The following GALNT9 variants were observed in gnomAD, a reference collection of about 807,000 sequenced individuals.
GALNT9 encodes polypeptide N-acetylgalactosaminyltransferase 9.
A neutral mutation model predicts 63.1 loss-of-function variants in GALNT9; 47 were observed. The observed-to-expected ratio is 0.75, with a 90% CI of 0.59 to 0.95. GALNT9 has a LOEUF of 0.95. GALNT9 is among the 40% of genes least tolerant of loss of function. The pLI is 0.00. For synonymous variants in GALNT9, 396 were observed against 365.7 expected (o/e 1.08, Z -0.94); for missense variants, 829 against 874.8 (o/e 0.95, Z 0.66).
At chr12:132,261,359 C>G (rs28637973) in intron 3 of GALNT9, among the ~76,000 whole-genome samples, 2 of 149,838 alleles carry the variant, frequency 1.3e-5, no homozygotes, top group East Asian at 4.6e-4. Context: ...ACCAGACAGA[C>G]AGACAGACAG....
intron 2 of GALNT9, among the ~76,000 whole-genome samples, chr12:132,281,784 C>G (rs975305011): frequency 2.0e-5 from 3 of 151,694 alleles, no homozygotes; most frequent in Non-Finnish European, 2.9e-5. Context: ...GTGCAGCAAG[C>G]CCAGGCCTGG....
At chr12:132,263,577 C>T (rs950907538) in intron 2 of GALNT9, among the ~76,000 whole-genome samples, 5 of 152,176 alleles carry the variant, frequency 3.3e-5, no homozygotes, top group Non-Finnish European at 5.9e-5. Context: ...CCCTCACCGT[C>T]CTCAAGCGCA....
intron 8 of GALNT9, 39 bp from the exon 9 acceptor site, chr12:132,199,308 C>G: frequency 1.4e-6 from 2 of 1,473,774 alleles, no homozygotes; most frequent in Non-Finnish European, 1.9e-6. Context: ...CAGAGTCACC[C>G]GAGGGTGCGG....
chr12:132,233,383 C>T (rs1461845346), intron 6 of GALNT9, among the ~76,000 whole-genome samples: 22 of 26,226 alleles, frequency 8.4e-4, no homozygotes, highest in Non-Finnish European at 8.9e-4. Context: ...CTCGATGGGG[C>T]GACAGAGGAG....
At chr12:132,303,481 GCACA>G (rs1881404550) in intron 1 of GALNT9, among the ~76,000 whole-genome samples, 1 of 47,920 alleles carries the variant, frequency 2.1e-5, no homozygotes, top group African/African-American at 1.1e-4. Flanking sequence ...CCTCACCCGG[GCACA>G]GAATCGCCCA....
intron 1 of GALNT9, among the ~76,000 whole-genome samples, chr12:132,323,605 T>G (rs782593365): frequency 4.6e-5 from 7 of 152,152 alleles, no homozygotes; most frequent in Admixed American, 6.5e-5. Flanking sequence ...AACCAAAATG[T>G]CGTTCATCTC....
intron 5 of GALNT9, among the ~76,000 whole-genome samples, chr12:132,248,527 A>T (rs1444367800): frequency 6.6e-6 from 1 of 152,134 alleles, no homozygotes; most frequent in East Asian, 1.9e-4. Flanking sequence ...GTTGCCTTGA[A>T]CATCATTTCC....
rs1298946077 is a variant in GALNT9, at chr12:132,199,258, G to T, written c.1413C>A (p.Ser471Arg). ...NTLTYGEVRN[S>R]KASAYCLDQG... ...GGTCCAGACAGTAGGCACTGGCTTT[G>T]CTGTTTCTCACCTGCAAGCAGAAGC... Residue 471 changes from serine (S) to arginine (R), a missense_variant, in exon 9 of 11, where the codon AGC becomes AGA. Coordinates refer to ENST00000328957, the MANE Select transcript of GALNT9 (RefSeq NM_001122636.2). 1 of 1,603,304 alleles carries T rather than the reference G, an allele frequency of 6.2e-7. No individual in the cohort carries two copies. The highest frequency in any genetic ancestry group is 2.2e-5 in the East Asian group (1 of 44,790).
At chr12:132,204,628 C>T (rs528931304) in intron 6 of GALNT9, among the ~76,000 whole-genome samples, 17 of 152,266 alleles carry the variant, frequency 1.1e-4, no homozygotes, top group Middle Eastern at 3.4e-3. Context: ...CCCCCGTAAC[C>T]GGGTGAGTCA....
At position 132,282,393 on chromosome 12, in the gene GALNT9, A is replaced by ACGTGTGTGCG. The variant is rs370830110; in HGVS notation, c.419+3847_419+3856dup. 2.6e-5 allele frequency among the ~76,000 whole-genome samples: 4 copies of ACGTGTGTGCG among 151,120 alleles called. No homozygotes were observed. The highest frequency in any genetic ancestry group is 4.4e-5 in the Non-Finnish European group (3 of 67,968). On this transcript the variant is annotated intron_variant, in intron 2 of 10. Transcript: ENST00000328957. This position sits in a 1 kb window ranked among gnomAD's most constrained non-coding sequence, Gnocchi z 4.5. ...TGTGCTTAAAGAAAAAACTAAAAAT[A>ACGTGTGTGCG]CGTGTGTGCGCGTGTGTGCGTGTGT...
intron 1 of GALNT9, among the ~76,000 whole-genome samples, chr12:132,323,730 G>A (rs1375928538): frequency 6.6e-6 from 1 of 152,370 alleles, no homozygotes; most frequent in African/African-American, 2.4e-5. Context: ...GAGTCAGAGT[G>A]GGGGCTCTGG....
Position 132,277,404 on chromosome 12 carries a change from C to T in GALNT9, c.419+8846G>A, listed in dbSNP as rs948601187. The T allele has an allele frequency of 1.9e-4, 30 of 154,948 alleles. No homozygotes were observed. In the Middle Eastern group the frequency reaches 3.6e-3, roughly 19 times the overall value. The allele number at this position is 154,948 out of a possible 1,614,324, so 9.6% of individuals were successfully genotyped here. The stretch of plus-strand genomic sequence containing the variant: ...AGCCATTCCTCGCCCATGTCCCTGT[C>T]CTTGTTGCATAGCCGGCCTCCAGCG... On this transcript the variant is annotated intron_variant, in intron 2 of 10. Transcript: ENST00000328957.
intron 1 of GALNT9, among the ~76,000 whole-genome samples, chr12:132,297,441 C>T (rs782494361): frequency 6.6e-6 from 1 of 151,516 alleles, no homozygotes; most frequent in South Asian, 2.1e-4. Context: ...AATAAAGCCG[C>T]TCCCGAGATA....
intron 2 of GALNT9, chr12:132,272,893 T>G (rs1879919912): frequency 6.6e-6 from 1 of 152,272 alleles, no homozygotes; most frequent in Non-Finnish European, 1.5e-5. Context: ...GCGCCACGCC[T>G]TCCCATCCCC....
Position 132,316,148 on chromosome 12 carries a change from C to T in GALNT9, c.238+12818G>A, listed in dbSNP as rs1868499514. 6.6e-6 allele frequency among the ~76,000 whole-genome samples: 1 copy of T among 152,100 alleles called. No homozygotes were observed. Among genetic ancestry groups the T allele is most frequent in the Non-Finnish European group, 1.5e-5 (1 of 68,008 alleles). On this transcript the variant is annotated intron_variant, in intron 1 of 10. Coordinates refer to ENST00000328957, the MANE Select transcript of GALNT9 (RefSeq NM_001122636.2). This position sits in a 1 kb window ranked among gnomAD's most constrained non-coding sequence, Gnocchi z 4.3. ...GGCAGAGGCAGGAGCTGGCCGCGGG[C>T]TGGGAGGCGACCCCACAGACCCCAG...
chr12:132,263,964 G>A (rs1879503088), intron 2 of GALNT9, among the ~76,000 whole-genome samples: 2 of 152,200 alleles, frequency 1.3e-5, no homozygotes, highest in South Asian at 4.1e-4. Context: ...GAACTTGCAA[G>A]CAGCAAGGAC....
chr12:132,225,781 CCCACACACG>C (rs1351889647), intron 6 of GALNT9, among the ~76,000 whole-genome samples: 57 of 147,156 alleles, frequency 3.9e-4, no homozygotes, highest in Admixed American at 7.5e-4. Context: ...CTGTATACAC[CCCACACACG>C]CCACACAACC....
In GALNT9 at chr12:132,286,777, G is replaced by A. The variant is rs917162715; in HGVS notation, c.239-347C>T. 1.3e-5 allele frequency among the ~76,000 whole-genome samples: 2 copies of A among 152,126 alleles called. No individual in the cohort carries two copies. The highest frequency in any genetic ancestry group is 4.8e-5 in the African/African-American group (2 of 41,420). On this transcript the variant is annotated intron_variant, in intron 1 of 10. Transcript: ENST00000328957. This position sits in a 1 kb window ranked among gnomAD's most constrained non-coding sequence, Gnocchi z 7.4. ...CACCCAGGCTGCAGTGCAGTGGCAT[G>A]ATCTCAGCTCACTGCAGCCTGGACC...
intron 6 of GALNT9, among the ~76,000 whole-genome samples, chr12:132,213,915 C>T (rs892859038): frequency 2.6e-5 from 4 of 152,240 alleles, no homozygotes; most frequent in South Asian, 4.1e-4. Flanking sequence ...CGGAGCAGCC[C>T]TGGAGATGCA....
Sources: gnomAD v4.1 joint callset for allele counts (sites outside exome capture counted in the v4.1 genomes callset) on GRCh38, gnomAD v4.1.1 for gene constraint, Gnocchi (gnomAD v3.1) non-coding constraint, MANE v1.5 for transcripts, NCBI Gene and HGNC (gene_info 2026-07-23, HGNC 2026-07-21) for gene names.